Variants in ELK4 observed in about 807,000 individuals in gnomAD.
ELK4 encodes the protein ETS transcription factor ELK4.
ELK4 carries 16 observed loss-of-function variants against 29.6 expected under a neutral mutation model. The observed-to-expected ratio is 0.54, with a 90% CI of 0.37 to 0.82. ELK4 has a LOEUF of 0.82. Ranked by LOEUF, ELK4 falls within the 40% of genes least tolerant of loss-of-function variation. The probability of loss-of-function intolerance (pLI) is 0.00; values close to 1 mark genes in which losing one functional copy is unlikely to be tolerated. For missense variants in ELK4, 465 were observed against 507.1 expected, an observed-to-expected ratio of 0.92 and a Z score of 0.80; for synonymous variants, 213 against 191.1, an observed-to-expected ratio of 1.11 and a Z score of -0.95.
At chr1:205,629,764 G>C (rs570933900) in intron 1 of ELK4, among the ~76,000 whole-genome samples, 30 of 150,770 alleles carry the variant, frequency 2.0e-4, no homozygotes, top group Admixed American at 3.3e-4. Flanking sequence ...AATCCCCTAA[G>C]ACAGTTATTA....
rs1182251642 is a variant in ELK4 at position 205,608,814 on chromosome 1, T to C, written c.*7732A>G. ...GAAGTAACTGTCTTCTCAGTTGAGC[T>C]GACAGGTTTGAAGAAAGCACTCTTG... On this transcript the variant is annotated 3_prime_UTR_variant, in exon 5 of 5. Transcript: ENST00000357992. 1.0e-5 allele frequency: 2 copies of C among 196,246 alleles called. No homozygotes were observed. The highest frequency in any genetic ancestry group is 1.2e-4 in the Admixed American group (2 of 16,492). The allele number at this position is 196,246 out of a possible 1,614,324, so 12.2% of individuals were successfully genotyped here. A position where few individuals can be genotyped will look rare whatever the true frequency, so the allele number is the denominator to read the frequency against.
intron 1 of ELK4, among the ~76,000 whole-genome samples, chr1:205,628,151 T>C (rs1571507983): frequency 6.6e-6 from 1 of 152,356 alleles, no homozygotes; most frequent in East Asian, 1.9e-4. Flanking sequence ...CGGTTCCCCA[T>C]AGCCTCACTT....
intron 1 of ELK4, among the ~76,000 whole-genome samples, chr1:205,629,757 C>G (rs1418123789): frequency 6.6e-6 from 1 of 150,994 alleles, no homozygotes; most frequent in Admixed American, 6.6e-5. Context: ...GAAAAAAAAT[C>G]CCCTAAGACA....
In ELK4 at chr1:205,614,112, A is replaced by C. The variant is rs911319145; in HGVS notation, c.*2434T>G. ...GATCTCAAAGAGATAGCAGATCACCAATCTGTGACAGCCTCACACCTCTGA... is the reference window on the plus strand; with the variant it reads ...GATCTCAAAGAGATAGCAGATCACCCATCTGTGACAGCCTCACACCTCTGA... On this transcript the variant is annotated 3_prime_UTR_variant, in exon 5 of 5. Transcript: ENST00000357992. 3 of 223,128 alleles carry C rather than the reference A, an allele frequency of 1.3e-5. No homozygotes were observed. Among genetic ancestry groups the C allele is most frequent in the African/African-American group, 2.2e-5 (1 of 44,798 alleles). The allele number at this position is 223,128 out of a possible 1,614,324, so 13.8% of individuals were successfully genotyped here.
Position 205,609,823 on chromosome 1 carries a change from T to C in ELK4, c.*6723A>G, listed in dbSNP as rs140749573. 303 of 220,786 alleles carry C rather than the reference T, an allele frequency of 1.4e-3. 3 individuals carry two copies. Among genetic ancestry groups the C allele is most frequent in the Middle Eastern group, 5.6e-3 (4 of 708 alleles). The allele number at this position is 220,786 out of a possible 1,614,324, so 13.7% of individuals were successfully genotyped here. A position where few individuals can be genotyped will look rare whatever the true frequency, so the allele number is the denominator to read the frequency against. ...AGCACAATATTAAAAGCTTGCAAAT[T>C]ATTTTAAAATATCCTAGCCAAAAGG... is the stretch of plus-strand genomic sequence containing the variant. On this transcript the variant is annotated 3_prime_UTR_variant, in exon 5 of 5. Coordinates refer to ENST00000357992, the MANE Select transcript of ELK4 (RefSeq NM_001973.4).
chr1:205,619,125 A>T, intron 3 of ELK4, 52 bp from the exon 4 acceptor site: 2 of 1,425,538 alleles, frequency 1.4e-6, no homozygotes, highest in Non-Finnish European at 1.9e-6. Flanking sequence ...AGGATGTTTT[A>T]TCCTTGAAAC....
Position 205,620,608 on chromosome 1 carries a change from T to A in ELK4, c.438A>T (p.Leu146Phe). Reference protein sequence around the residue: ...SSRNDYIHSGLYSSFTLNSLN... With the variant: ...SSRNDYIHSGFYSSFTLNSLN... ...AAGAGTTGAGAGTAAATGAAGAATA[T>A]AAGCCAGAGTGTATGTAGTCATTGC... Residue 146 changes from leucine to phenylalanine, a missense_variant, in exon 3 of 5, where the codon TTA (leucine) becomes TTT (phenylalanine). This residue lies in a region of ELK4 where 385 missense variants were observed against 387.5 expected (regional missense o/e 0.99). Coordinates refer to ENST00000357992, the MANE Select transcript of ELK4 (RefSeq NM_001973.4). 6.2e-7 allele frequency: 1 copy of A among 1,614,152 alleles called. No individual in the cohort carries two copies. The highest frequency in any genetic ancestry group is 1.1e-5 in the South Asian group (1 of 91,072).
In ELK4 at chr1:205,608,530, TGTTAGCAGTGACCA is replaced by T. The variant is rs1558017296; in HGVS notation, c.*8002_*8015del. 5.0e-6 allele frequency: 1 copy of T among 198,754 alleles called. No individual in the cohort carries two copies. The highest frequency in any genetic ancestry group is 2.3e-5 in the African/African-American group (1 of 43,306). The allele number at this position is 198,754 out of a possible 1,614,324, so 12.3% of individuals were successfully genotyped here. ...ATCAACTAACATGAAGTTTAATAAATGTTAGCAGTGACCATTTTAATTGCTTTTTTAGGAAAAAG... is the reference window on the plus strand; with the variant it reads ...ATCAACTAACATGAAGTTTAATAAATTTTTAATTGCTTTTTTAGGAAAAAG... On this transcript the variant is annotated 3_prime_UTR_variant, in exon 5 of 5. Coordinates refer to ENST00000357992, the MANE Select transcript of ELK4 (RefSeq NM_001973.4).
chr1:205,619,019 T>A lies in ELK4; in HGVS notation c.1135A>T (p.Thr379Ser). 6.2e-7 allele frequency: 1 copy of A among 1,611,398 alleles called. No individual in the cohort carries two copies. The highest frequency in any genetic ancestry group is 8.5e-7 in the Non-Finnish European group (1 of 1,179,028). The stretch of plus-strand genomic sequence containing the variant: ...CTTAGGGGAGCAACAGGACTGAGAG[T>A]ACTCCAGAAGTGGATACTGGAGAGC... ...PLLSSIHFWS[T>S]LSPVAPLSPA... The change falls in exon 4 of 5, where the codon ACT becomes TCT. Residue 379 changes from threonine to serine, a missense_variant. Coordinates refer to ENST00000357992, the MANE Select transcript of ELK4 (RefSeq NM_001973.4).
rs145474737 is a variant in ELK4 at position 205,607,954 on chromosome 1, A to C, written c.*8592T>G. The C allele has an allele frequency of 2.5e-3, 427 of 171,764 alleles. 2 individuals are homozygous for C. Among genetic ancestry groups the C allele is most frequent in the African/African-American group, 9.5e-3 (400 of 42,198 alleles). 10.6% of individuals were successfully genotyped at this position (171,764 alleles called of 1,614,324 possible). A position where few individuals can be genotyped will look rare whatever the true frequency, so the allele number is the denominator to read the frequency against. ...ATCAATTCAGAAAATCATTTTGTTA[A>C]AAATATTTATTTAAAAAAATACAAC... is the stretch of plus-strand genomic sequence containing the variant. On this transcript the variant is annotated 3_prime_UTR_variant, in exon 5 of 5. Transcript: ENST00000357992.
chr1:205,615,269 T>C lies in ELK4; in HGVS notation c.*1277A>G. ...AGCCAGGCGTAGTGGCGCATGCCTG[T>C]AGTCCCAGCTACTCAGGAGGCTGAG... On this transcript the variant is annotated 3_prime_UTR_variant, in exon 5 of 5. Coordinates refer to ENST00000357992, the MANE Select transcript of ELK4 (RefSeq NM_001973.4). 1 of 163,204 alleles carries C rather than the reference T, an allele frequency of 6.1e-6. No homozygotes were observed. Among genetic ancestry groups the C allele is most frequent in the East Asian group, 1.3e-4 (1 of 7,606 alleles). 10.1% of individuals were successfully genotyped at this position (163,204 alleles called of 1,614,324 possible).
chr1:205,613,466 G>GT lies in ELK4; in HGVS notation c.*3079dup, dbSNP rs1225482020. 12 of 184,936 alleles carry GT rather than the reference G, an allele frequency of 6.5e-5. No individual in the cohort carries two copies. The highest frequency in any genetic ancestry group is 2.8e-4 in the African/African-American group (12 of 42,594). The allele number at this position is 184,936 out of a possible 1,614,324, so 11.5% of individuals were successfully genotyped here. A position where few individuals can be genotyped will look rare whatever the true frequency, so the allele number is the denominator to read the frequency against. On this transcript the variant is annotated 3_prime_UTR_variant, in exon 5 of 5. Transcript: ENST00000357992. ...AAATTATGTGAAAATCCACTCTTGGGTGGAGTAAATGCAATGGTTTGCCAG... is the reference window on the plus strand; with the variant it reads ...AAATTATGTGAAAATCCACTCTTGGGTTGGAGTAAATGCAATGGTTTGCCAG...
At chr1:205,624,855 G>A (rs905778714) in intron 1 of ELK4, among the ~76,000 whole-genome samples, 1 of 152,066 alleles carries the variant, frequency 6.6e-6, no homozygotes, top group African/African-American at 2.4e-5. Context: ...AAGTCATCCC[G>A]GTAGATAACC....
Position 205,612,919 on chromosome 1 carries a change from G to T in ELK4, c.*3627C>A, listed in dbSNP as rs1053498246. On this transcript the variant is annotated 3_prime_UTR_variant, in exon 5 of 5. Coordinates refer to ENST00000357992, the MANE Select transcript of ELK4 (RefSeq NM_001973.4). ...CCTAATAGAGGCTCATAGGTTTACT[G>T]TCCCTATCAAAATTTCAACTGTCAA... 4.9e-6 allele frequency: 1 copy of T among 204,540 alleles called. No individual in the cohort carries two copies. 12.7% of individuals were successfully genotyped at this position (204,540 alleles called of 1,614,324 possible). A position where few individuals can be genotyped will look rare whatever the true frequency, so the allele number is the denominator to read the frequency against.
intron 1 of ELK4, among the ~76,000 whole-genome samples, chr1:205,629,183 A>G (rs953530690): frequency 1.3e-5 from 2 of 151,786 alleles, no homozygotes; most frequent in African/African-American, 2.4e-5. Flanking sequence ...AAAAAAAAAA[A>G]AAAAAGAAAA....
chr1:205,631,568 C>T lies in ELK4; in HGVS notation c.-10+64G>A, dbSNP rs887860637. ...CCGCGCGCCCCTCGGCCCCCGCCCCCGCTCCCGGCCGGTGGGGCTGTGGCC... is the reference window on the plus strand; with the variant it reads ...CCGCGCGCCCCTCGGCCCCCGCCCCTGCTCCCGGCCGGTGGGGCTGTGGCC... On this transcript the variant is annotated intron_variant, in intron 1 of 4. Transcript: ENST00000357992. 313 of 160,554 alleles carry T rather than the reference C, an allele frequency of 1.9e-3. 1 individual carries two copies. Among genetic ancestry groups the T allele is most frequent in the Admixed American group, 4.6e-3 (69 of 15,144 alleles). 9.9% of individuals were successfully genotyped at this position (160,554 alleles called of 1,614,324 possible). A position where few individuals can be genotyped will look rare whatever the true frequency, so the allele number is the denominator to read the frequency against.
At chr1:205,619,184 A>G (rs1670285417) in intron 3 of ELK4, 111 bp from the exon 4 acceptor site, 5 of 1,181,846 alleles carry the variant, frequency 4.2e-6, no homozygotes, top group South Asian at 5.6e-5. Context: ...TCCACTCCAA[A>G]TATCTCCAAG....
chr1:205,609,438 A>AT lies in ELK4; in HGVS notation c.*7107_*7108insA. On this transcript the variant is annotated 3_prime_UTR_variant, in exon 5 of 5. Coordinates refer to ENST00000357992, the MANE Select transcript of ELK4 (RefSeq NM_001973.4). ...ATAAAGAAATATAATTGTGATTAGA[A>AT]AAGATCCAGGGCCAAAACAAATAAA... The AT allele has an allele frequency of 5.2e-6, 1 of 193,300 alleles. No homozygotes were observed. The highest frequency in any genetic ancestry group is 6.1e-5 in the Admixed American group (1 of 16,372). The allele number at this position is 193,300 out of a possible 1,614,324, so 12.0% of individuals were successfully genotyped here.
intron 2 of ELK4, among the ~76,000 whole-genome samples, 191 bp from the exon 3 acceptor site, chr1:205,621,029 C>A (rs887401296): frequency 6.6e-6 from 1 of 151,382 alleles, no homozygotes; most frequent in Non-Finnish European, 1.5e-5. Flanking sequence ...ACCCCGTCTC[C>A]ACTAAAACAG....
Sources: allele counts gnomAD v4.1 joint callset (sites outside exome capture counted in the v4.1 genomes callset), GRCh38; gene constraint gnomAD v4.1.1; regional missense constraint gnomAD v4.1.1; transcripts MANE v1.5; gene names NCBI Gene and HGNC (gene_info 2026-07-23, HGNC 2026-07-21).